The following COL18A1 variants were observed in gnomAD, a reference collection of about 807,000 sequenced individuals.
COL18A1 encodes the protein collagen type XVIII alpha 1 chain.
In COL18A1, 133 loss-of-function variants were observed where a neutral mutation model predicts 168.0. The ratio of observed to expected loss-of-function variants is 0.79; its 90% CI spans 0.69 to 0.91. COL18A1 has a LOEUF of 0.91. COL18A1 is among the 40% of genes least tolerant of loss of function. COL18A1 has a pLI of 0.00. For missense variants in COL18A1, 2,126 were observed against 1,925.4 expected (o/e 1.10, Z -1.95); for synonymous variants, 949 against 809.0 (o/e 1.17, Z -2.94).
In COL18A1 at chr21:45,509,296, A is replaced by G. The variant is rs2037430568; in HGVS notation, c.3250-60A>G. The G allele has an allele frequency of 2.0e-6, 3 of 1,533,212 alleles. No homozygotes were observed. The African/African-American group carries it at 4.1e-5, about 21-fold the overall frequency. The allele number at this position is 1,533,212 out of a possible 1,614,324, so 95.0% of individuals were successfully genotyped here. On this transcript the variant is annotated intron_variant, in intron 38 of 41. Transcript: ENST00000651438. The stretch of plus-strand genomic sequence containing the variant: ...TCACCCAGCCCAGAGGAGGACACAG[A>G]TGGAGGAGGGGCACCCGGAGGGTCC...
chr21:45,481,090 G>A (rs1323599625), intron 13 of COL18A1, among the ~76,000 whole-genome samples: 1 of 152,220 alleles, frequency 6.6e-6, no homozygotes, highest in African/African-American at 2.4e-5. Flanking sequence ...GGGGGTGACC[G>A]CAAGCAAGGC....
At chr21:45,500,320 T>TG in intron 32 of COL18A1, among the ~76,000 whole-genome samples, 1 of 30,764 alleles carries the variant, frequency 3.3e-5, no homozygotes, top group East Asian at 8.7e-4. Context: ...GTAGTGGGGG[T>TG]GTGAGGGGTG....
In COL18A1 at chr21:45,504,006, T is replaced by C. The variant is rs763249680; in HGVS notation, c.2684-5T>C. 89 of 1,613,478 alleles carry C rather than the reference T, an allele frequency of 5.5e-5. No homozygotes were observed. Among genetic ancestry groups the C allele is most frequent in the Non-Finnish European group, 7.4e-5 (87 of 1,179,974 alleles). The stretch of plus-strand genomic sequence containing the variant: ...AGCGAGACCCCGCCTGTCTCTCTCT[T>C]GCAGGGCAGTTTCCGTTTGACTTTC... On this transcript the variant is annotated splice_polypyrimidine_tract_variant and splice_region_variant and intron_variant, in intron 32 of 41. Transcript: ENST00000651438.
At chr21:45,426,614 C>CG (rs1569281621) in intron 2 of COL18A1, among the ~76,000 whole-genome samples, 1 of 152,228 alleles carries the variant, frequency 6.6e-6, no homozygotes, top group Non-Finnish European at 1.5e-5. Flanking sequence ...TGGAAGCCCC[C>CG]AGAAACCCTT....
chr21:45,492,660 C>G (rs1253416147), intron 23 of COL18A1, 27 bp from the exon 24 acceptor site: 3 of 1,611,586 alleles, frequency 1.9e-6, no homozygotes, highest in East Asian at 2.2e-5. Context: ...GTGATGACCC[C>G]AGCTGACGCC....
At chr21:45,455,888 G>A (rs746915433) in intron 2 of COL18A1, 14 of 1,612,982 alleles carry the variant, frequency 8.7e-6, no homozygotes, top group Non-Finnish European at 1.1e-5. Context: ...CGTGGCCAAA[G>A]GCATCCGGAG....
intron 2 of COL18A1, among the ~76,000 whole-genome samples, chr21:45,427,533 C>T (rs959691287): frequency 2.0e-5 from 3 of 152,212 alleles, no homozygotes; most frequent in Non-Finnish European, 4.4e-5. Context: ...TCTTGCTCCG[C>T]GGCCACCCCT....
chr21:45,421,983 TCACA>T (rs2033638189), intron 2 of COL18A1, among the ~76,000 whole-genome samples: 1 of 151,966 alleles, frequency 6.6e-6, no homozygotes, highest in South Asian at 2.1e-4. Context: ...GCCAACACAC[TCACA>T]CAGACACACG....
rs913776302 is a variant in COL18A1 at position 45,509,577 on chromosome 21, C to T, written c.3471C>T (p.His1157=). The T allele has an allele frequency of 5.9e-6, 9 of 1,525,640 alleles. 1 individual carries two copies. Among genetic ancestry groups the T allele is most frequent in the East Asian group, 2.4e-5 (1 of 41,042 alleles). 94.5% of individuals were successfully genotyped at this position (1,525,640 alleles called of 1,614,324 possible). A position where few individuals can be genotyped will look rare whatever the true frequency, so the allele number is the denominator to read the frequency against. ...CGCGACCCACAAGCCCACCCGCCCA[C>T]AGCCACCGCGACTTCCAGCCGGTGG... is the stretch of plus-strand genomic sequence containing the variant. The part of the protein sequence containing the change: ...RPARPTSPPA[H]SHRDFQPVLH... Residue 1157 remains histidine, a synonymous_variant, in exon 39 of 42, where the codon CAC becomes CAT. Coordinates refer to ENST00000651438, the MANE Select transcript of COL18A1 (RefSeq NM_001379500.1).
chr21:45,505,787 GC>G (rs1413340744), intron 36 of COL18A1, 50 bp from the exon 37 acceptor site: 11 of 1,248,126 alleles, frequency 8.8e-6, no homozygotes, highest in Non-Finnish European at 1.2e-5. Context: ...TTCCGCCCCT[GC>G]CCCCCGCCCT....
intron 2 of COL18A1, among the ~76,000 whole-genome samples, chr21:45,444,034 G>A (rs1490495878): frequency 6.6e-6 from 1 of 152,206 alleles, no homozygotes; most frequent in Non-Finnish European, 1.5e-5. Context: ...GTCCCTCTGT[G>A]GGGAACGTGC....
chr21:45,405,917 C>G (rs956422252), intron 2 of COL18A1, among the ~76,000 whole-genome samples: 1 of 151,770 alleles, frequency 6.6e-6, no homozygotes, highest in African/African-American at 2.4e-5. Context: ...TGTTGAGGCT[C>G]CTCGCCGCGG....
chr21:45,510,347 G>T, intron 40 of COL18A1, 86 bp downstream of exon 40: 1 of 1,440,858 alleles, frequency 6.9e-7, no homozygotes, highest in Non-Finnish European at 9.5e-7. Context: ...CTCCCCTCTA[G>T]GGCCTCTGGA....
chr21:45,449,016 G>A (rs1448937523), intron 2 of COL18A1, among the ~76,000 whole-genome samples: 2 of 152,212 alleles, frequency 1.3e-5, no homozygotes, highest in Non-Finnish European at 2.9e-5. Flanking sequence ...TGTCCTCCCC[G>A]TGGCCTCCTG....
rs1399338739 is a variant in COL18A1, at chr21:45,414,516, G to A, written c.106+9043G>A. Among the ~76,000 whole-genome samples, 8 of 152,294 alleles carry A rather than the reference G, an allele frequency of 5.3e-5. No homozygotes were observed. In the East Asian group the frequency reaches 1.4e-3, roughly 26 times the overall value. On this transcript the variant is annotated intron_variant, in intron 2 of 41. Transcript: ENST00000651438. ...TTCAGCCTTTCCTGTCATCACAGGG[G>A]ACGTCTGGCATTTTAACAGACCTGG...
At position 45,494,856 on chromosome 21, in the gene COL18A1, T is replaced by C. The variant is rs1161827916; in HGVS notation, c.2380-6T>C. 6.2e-7 allele frequency: 1 copy of C among 1,607,584 alleles called. No homozygotes were observed. The highest frequency in any genetic ancestry group is 2.2e-5 in the East Asian group (1 of 44,604). ...CCCACTAAGCCTGGCCCCCTTCCTC[T>C]TGCAGGGTCCATACGGACGGCCGGG... On this transcript the variant is annotated splice_polypyrimidine_tract_variant and splice_region_variant and intron_variant, in intron 27 of 41. Coordinates refer to ENST00000651438, the MANE Select transcript of COL18A1 (RefSeq NM_001379500.1).
intron 9 of COL18A1, among the ~76,000 whole-genome samples, chr21:45,479,363 GCA>G (rs35503190): frequency 0.15 from 22,260 of 151,048 alleles, 1,997 homozygotes; most frequent in African/African-American, 0.24. Flanking sequence ...ACACGTGTGT[GCA>G]CACACACCAC....
chr21:45,453,916 C>G (rs1222700388), intron 2 of COL18A1, among the ~76,000 whole-genome samples: 1 of 152,230 alleles, frequency 6.6e-6, no homozygotes, highest in Non-Finnish European at 1.5e-5. Flanking sequence ...CCTCTGAGCA[C>G]AGAGCCTTCG....
In COL18A1 at chr21:45,504,412, A is replaced by G. The variant is rs756833399; in HGVS notation, c.2728-4A>G. On this transcript the variant is annotated splice_region_variant and splice_polypyrimidine_tract_variant and intron_variant, in intron 33 of 41. Transcript: ENST00000651438. ...TCCCGTGTAACAAGTGTTTCCGTCC[A>G]CAGGGGGAGAAGGGAGACCGAGGTG... 6.2e-7 allele frequency: 1 copy of G among 1,610,992 alleles called. No individual in the cohort carries two copies. The highest frequency in any genetic ancestry group is 8.5e-7 in the Non-Finnish European group (1 of 1,179,078).
Sources: allele counts gnomAD v4.1 joint callset (sites outside exome capture counted in the v4.1 genomes callset), GRCh38; gene constraint gnomAD v4.1.1; transcripts MANE v1.5; gene names NCBI Gene and HGNC (gene_info 2026-07-23, HGNC 2026-07-21).